The following ADCY9 variants were observed in gnomAD, a reference collection of about 807,000 sequenced individuals.
ADCY9 encodes adenylate cyclase type 9.
A neutral mutation model predicts 101.5 loss-of-function variants in ADCY9; 50 were observed. The ratio of observed to expected loss-of-function variants is 0.49; its 90% CI spans 0.39 to 0.62. The LOEUF (loss-of-function observed/expected upper bound fraction) is 0.62, where lower values mean the gene tolerates loss of function less well. ADCY9 is among the 20% of genes least tolerant of loss of function. ADCY9 has a pLI of 0.00. For synonymous variants in ADCY9, 905 were observed against 769.3 expected, an observed-to-expected ratio of 1.18 and a Z score of -2.92; for missense variants, 1,662 against 1,800.4, an observed-to-expected ratio of 0.92 and a Z score of 1.39.
intron 2 of ADCY9, among the ~76,000 whole-genome samples, chr16:4,034,892 A>T (rs2056579435): frequency 6.6e-6 from 1 of 152,160 alleles, no homozygotes; most frequent in South Asian, 2.1e-4. Context: ...CATCTTTACT[A>T]CCAGGTAGAG....
At chr16:4,020,927 C>A (rs185209782) in intron 2 of ADCY9, among the ~76,000 whole-genome samples, 1 of 151,774 alleles carries the variant, frequency 6.6e-6, no homozygotes, top group East Asian at 1.9e-4. Context: ...AACATTTGAA[C>A]GTTTTCAAAA....
chr16:4,057,762 G>A (rs560722943), intron 2 of ADCY9, among the ~76,000 whole-genome samples: 6 of 152,264 alleles, frequency 3.9e-5, no homozygotes, highest in Non-Finnish European at 7.4e-5. Context: ...CATTTACGGC[G>A]TGTTCTCGAT....
intron 3 of ADCY9, among the ~76,000 whole-genome samples, chr16:3,997,901 C>G (rs758374725): frequency 3.3e-5 from 5 of 151,716 alleles, no homozygotes; most frequent in Non-Finnish European, 5.9e-5. Context: ...TAAGACCAGC[C>G]TGGTCAACAT....
At chr16:3,968,334 G>A (rs2056017797) in intron 10 of ADCY9, among the ~76,000 whole-genome samples, 2 of 151,786 alleles carry the variant, frequency 1.3e-5, no homozygotes, top group Non-Finnish European at 2.9e-5. Context: ...GTTTCTCCAT[G>A]TTGGTCAGGC....
intron 9 of ADCY9, 138 bp from the exon 10 acceptor site, chr16:3,974,848 C>G: frequency 9.2e-6 from 6 of 654,850 alleles, no homozygotes; most frequent in Non-Finnish European, 1.4e-5. Flanking sequence ...CTGCTCCCAC[C>G]TCTTTCTTCA....
rs756879944 is a variant in ADCY9 at position 3,965,994 on chromosome 16, C to G, written c.3843G>C (p.Leu1281=). The G allele has an allele frequency of 1.2e-6, 2 of 1,614,210 alleles. No individual in the cohort carries two copies. The highest frequency in any genetic ancestry group is 1.7e-6 in the Non-Finnish European group (2 of 1,180,032). The change falls in exon 11 of 11, where the codon CTG becomes CTC. Residue 1281 remains leucine, a synonymous_variant. Coordinates refer to ENST00000294016, the MANE Select transcript of ADCY9 (RefSeq NM_001116.4). The part of the protein sequence containing the change: ...GRSPTDEIAN[L]VPSVQYVDKT... ...TGTCCACATACTGGACAGAAGGCAC[C>G]AGGTTGGCAATCTCGTCTGTGGGAG...
chr16:4,034,454 G>C (rs537412904), intron 2 of ADCY9, among the ~76,000 whole-genome samples: 41 of 152,276 alleles, frequency 2.7e-4, no homozygotes, highest in Non-Finnish European at 5.3e-4. Flanking sequence ...CTGTCACCCA[G>C]GCTGGAGTGC....
chr16:3,982,777 A>G (rs1482408516), intron 7 of ADCY9: 1 of 163,700 alleles, frequency 6.1e-6, no homozygotes, highest in African/African-American at 2.4e-5. Flanking sequence ...GGGCTTGTCT[A>G]TTCTTTCTTC....
intron 2 of ADCY9, among the ~76,000 whole-genome samples, chr16:4,083,479 A>G (rs1283012270): frequency 6.6e-6 from 1 of 152,218 alleles, no homozygotes; most frequent in Non-Finnish European, 1.5e-5. Flanking sequence ...CAGAGTTACC[A>G]TATGACCCAG....
chr16:4,064,955 T>C (rs1441888533), intron 2 of ADCY9, among the ~76,000 whole-genome samples: 1 of 151,836 alleles, frequency 6.6e-6, no homozygotes, highest in Admixed American at 6.6e-5. Flanking sequence ...GGTGAATAGG[T>C]GAGGGAGGAA....
At chr16:4,008,531 A>C (rs2056382356) in intron 2 of ADCY9, among the ~76,000 whole-genome samples, 1 of 152,036 alleles carries the variant, frequency 6.6e-6, no homozygotes, top group African/African-American at 2.4e-5. Flanking sequence ...AGTGTATGCC[A>C]CACACCGAGA....
At chr16:4,040,562 T>G (rs1390153367) in intron 2 of ADCY9, among the ~76,000 whole-genome samples, 1 of 151,918 alleles carries the variant, frequency 6.6e-6, no homozygotes, top group Non-Finnish European at 1.5e-5. Flanking sequence ...GTTCATGCGA[T>G]CCTCCCACTT....
intron 2 of ADCY9, among the ~76,000 whole-genome samples, chr16:4,053,393 T>G (rs1002645840): frequency 1.0e-4 from 15 of 148,202 alleles, no homozygotes; most frequent in African/African-American, 3.2e-4. Context: ...ATTCAGTCAC[T>G]GAGACATAAA....
intron 2 of ADCY9, among the ~76,000 whole-genome samples, chr16:4,066,450 G>A (rs763000027): frequency 2.0e-4 from 30 of 152,084 alleles, no homozygotes; most frequent in East Asian, 3.9e-4. Context: ...GCAGGGGCAC[G>A]ATCAGGGCTC....
intron 5 of ADCY9, among the ~76,000 whole-genome samples, chr16:3,990,391 G>A (rs1335579344): frequency 6.6e-6 from 1 of 151,922 alleles, no homozygotes; most frequent in African/African-American, 2.4e-5. Context: ...ACTTGAACCT[G>A]GGAGATGGAG....
downstream of ADCY9, among the ~76,000 whole-genome samples, chr16:3,958,124 C>T (rs1567408806): frequency 6.6e-6 from 1 of 152,280 alleles, no homozygotes; most frequent in South Asian, 2.1e-4. Context: ...GCAGCGGGGG[C>T]TCTGCGGGAG....
At chr16:4,113,165 CTT>C (rs148980633) in intron 2 of ADCY9, among the ~76,000 whole-genome samples, 3,020 of 146,672 alleles carry the variant, frequency 0.021, 42 homozygotes, top group African/African-American at 0.049. Flanking sequence ...AAAATGCAAA[CTT>C]TTTTTAAAAA....
At chr16:4,081,270 A>G (rs2056900081) in intron 2 of ADCY9, among the ~76,000 whole-genome samples, 1 of 152,154 alleles carries the variant, frequency 6.6e-6, no homozygotes. Flanking sequence ...AACAGCAGGG[A>G]GAAGGTTGCA....
intron 2 of ADCY9, among the ~76,000 whole-genome samples, chr16:4,070,257 G>A (rs568033232): frequency 6.8e-4 from 103 of 151,882 alleles, no homozygotes; most frequent in Middle Eastern, 3.4e-3. Flanking sequence ...TAATTTTCAC[G>A]CATATATTTT....
Sources: gnomAD v4.1 joint callset for allele counts (sites outside exome capture counted in the v4.1 genomes callset) on GRCh38, gnomAD v4.1.1 for gene constraint, MANE v1.5 for transcripts, NCBI Gene and HGNC (gene_info 2026-07-23, HGNC 2026-07-21) for gene names.